FGF2: variants seen among roughly 807,000 people sequenced by gnomAD.
FGF2 encodes basic fibroblast growth factor bFGF.
FGF2 carries 13 observed loss-of-function variants against 15.9 expected under a neutral mutation model. That is an observed-to-expected ratio of 0.82 (90% CI 0.53 to 1.30). The LOEUF is 1.30. FGF2 is among the 50% of genes most tolerant of loss of function. FGF2 has a pLI of 0.00. For synonymous variants in FGF2, 90 were observed against 78.4 expected (o/e 1.15, Z -0.78); for missense variants, 163 against 196.9 (o/e 0.83, Z 1.03).
At chr4:122,856,375 G>A (rs1415511910) in intron 1 of FGF2, among the ~76,000 whole-genome samples, 1 of 152,116 alleles carries the variant, frequency 6.6e-6, no homozygotes, top group African/African-American at 2.4e-5. Flanking sequence ...ATTGTAAAAT[G>A]AAAAAATCTA....
intron 1 of FGF2, among the ~76,000 whole-genome samples, chr4:122,857,469 T>C (rs1315613042): frequency 6.6e-6 from 1 of 152,208 alleles, no homozygotes; most frequent in Non-Finnish European, 1.5e-5. Flanking sequence ...TTCCTTTTCT[T>C]ACCATCAATC....
rs189428800 is a variant in FGF2, at chr4:122,858,246, G to A, written c.179-18075G>A. ...CAAAATAAAATAGTAAAAAAAGAAAGTTTACTGAGAGGGGCAATATGAAAT... is the reference window on the plus strand; with the variant it reads ...CAAAATAAAATAGTAAAAAAAGAAAATTTACTGAGAGGGGCAATATGAAAT... On this transcript the variant is annotated intron_variant, in intron 1 of 2. Coordinates refer to ENST00000644866, the MANE Select transcript of FGF2 (RefSeq NM_001361665.2). Among the ~76,000 whole-genome samples, 107 of 152,208 alleles carry A rather than the reference G, an allele frequency of 7.0e-4. No individual in the cohort carries two copies. In the East Asian group the frequency reaches 0.019, roughly 28 times the overall value.
chr4:122,853,704 G>A (rs558699145), intron 1 of FGF2, among the ~76,000 whole-genome samples: 1 of 152,290 alleles, frequency 6.6e-6, no homozygotes, highest in Non-Finnish European at 1.5e-5. Flanking sequence ...GTCTGTTTTT[G>A]TAGTTGTTAC....
chr4:122,879,400 G>T (rs1328790586), intron 2 of FGF2, among the ~76,000 whole-genome samples: 1 of 152,178 alleles, frequency 6.6e-6, no homozygotes, highest in Non-Finnish European at 1.5e-5. Flanking sequence ...GACAGTGAGG[G>T]TGGTAGAGGA....
chr4:122,874,104 T>C (rs1256394520), intron 1 of FGF2, among the ~76,000 whole-genome samples: 1 of 152,224 alleles, frequency 6.6e-6, no homozygotes, highest in Non-Finnish European at 1.5e-5. Context: ...GTATAGCGAT[T>C]GATTATTCAG....
chr4:122,882,756 C>T (rs750098560), intron 2 of FGF2: 3 of 152,192 alleles, frequency 2.0e-5, no homozygotes, highest in African/African-American at 4.8e-5. Context: ...TTTCAGCTCT[C>T]GTCATACGAC....
chr4:122,836,649 T>G (rs780138738), intron 1 of FGF2, among the ~76,000 whole-genome samples: 3 of 152,228 alleles, frequency 2.0e-5, no homozygotes, highest in Non-Finnish European at 4.4e-5. Flanking sequence ...TTGGCTTCAT[T>G]GCTGAATGAG....
At chr4:122,833,593 A>G (rs1172874600) in intron 1 of FGF2, among the ~76,000 whole-genome samples, 1 of 152,192 alleles carries the variant, frequency 6.6e-6, no homozygotes, top group Non-Finnish European at 1.5e-5. Context: ...TAAGGTAGGA[A>G]CCATGACTTC....
intron 1 of FGF2, among the ~76,000 whole-genome samples, chr4:122,870,541 G>A (rs758137454): frequency 6.6e-6 from 1 of 151,976 alleles, no homozygotes; most frequent in Admixed American, 6.6e-5. Context: ...TCTTCTTCCT[G>A]GTTTAGCCTT....
chr4:122,893,450 G>A lies in FGF2; in HGVS notation c.*1054G>A. 2 of 418,006 alleles carry A rather than the reference G, an allele frequency of 4.8e-6. No homozygotes were observed. Among genetic ancestry groups the A allele is most frequent in the East Asian group, 3.8e-5 (1 of 26,368 alleles). The allele number at this position is 418,006 out of a possible 1,614,324, so 25.9% of individuals were successfully genotyped here. ...TTTTGAAATGCTGAATATTTCTTTG[G>A]CTGCTACTTGGAGGCTTATCTACCT... On this transcript the variant is annotated 3_prime_UTR_variant, in exon 3 of 3. Transcript: ENST00000644866.
Position 122,897,352 on chromosome 4 carries a change from T to C in FGF2, c.*4956T>C. 2.5e-6 allele frequency: 1 copy of C among 407,036 alleles called. No homozygotes were observed. The highest frequency in any genetic ancestry group is 4.4e-6 in the Non-Finnish European group (1 of 227,038). 25.2% of individuals were successfully genotyped at this position (407,036 alleles called of 1,614,324 possible). The stretch of plus-strand genomic sequence containing the variant: ...ACTTTACTGATGTATATCCAAAGCT[T>C]CTCATTTTCAGACAGATTAATCCAG... On this transcript the variant is annotated 3_prime_UTR_variant, in exon 3 of 3. Coordinates refer to ENST00000644866, the MANE Select transcript of FGF2 (RefSeq NM_001361665.2).
chr4:122,891,027 TTTTTTTTTGTTTTG>T (rs1175251334), intron 2 of FGF2, among the ~76,000 whole-genome samples: 22 of 134,036 alleles, frequency 1.6e-4, no homozygotes, highest in African/African-American at 4.0e-4. Context: ...TTATCTTTTT[TTTTTTTTTGTTTTG>T]TTTTGTTTTG....
At chr4:122,864,583 T>C (rs961788272) in intron 1 of FGF2, among the ~76,000 whole-genome samples, 1 of 152,230 alleles carries the variant, frequency 6.6e-6, no homozygotes, top group Non-Finnish European at 1.5e-5. Context: ...GGTTCACATA[T>C]CCCTTTTGGG....
At position 122,827,514 on chromosome 4, in the gene FGF2, C is replaced by A. The variant is rs557453076; in HGVS notation, c.178+162C>A. Among the ~76,000 whole-genome samples the A allele has an allele frequency of 6.6e-6, 1 of 152,256 alleles. No individual in the cohort carries two copies. Among genetic ancestry groups the A allele is most frequent in the African/African-American group, 2.4e-5 (1 of 41,558 alleles). ...TCGGCGGTTTCGGGTTCACCACTCA[C>A]CCCCTCCTTTCCGGGCTGCGGCGTA... On this transcript the variant is annotated intron_variant, in intron 1 of 2. Coordinates refer to ENST00000644866, the MANE Select transcript of FGF2 (RefSeq NM_001361665.2). This position sits in a 1 kb window ranked among gnomAD's most constrained non-coding sequence, Gnocchi z 4.2.
At chr4:122,852,564 C>CA (rs1156684542) in intron 1 of FGF2, among the ~76,000 whole-genome samples, 2 of 152,208 alleles carry the variant, frequency 1.3e-5, no homozygotes, top group Non-Finnish European at 2.9e-5. Context: ...ATAAGTCTGC[C>CA]ATCAGATAAA....
intron 2 of FGF2, among the ~76,000 whole-genome samples, chr4:122,877,176 C>A (rs575855659): frequency 7.8e-4 from 118 of 150,614 alleles, no homozygotes; most frequent in African/African-American, 2.5e-3. Context: ...GTGGCGTAAT[C>A]TCGGGTCACT....
Position 122,895,345 on chromosome 4 carries a change from A to T in FGF2, c.*2949A>T, listed in dbSNP as rs182205477. 34 of 152,374 alleles carry T rather than the reference A, an allele frequency of 2.2e-4. No individual in the cohort carries two copies. Among genetic ancestry groups the T allele is most frequent in the African/African-American group, 7.9e-4 (33 of 41,596 alleles). The allele number at this position is 152,374 out of a possible 1,614,324, so 9.4% of individuals were successfully genotyped here. A position where few individuals can be genotyped will look rare whatever the true frequency, so the allele number is the denominator to read the frequency against. The stretch of plus-strand genomic sequence containing the variant: ...TTTTTGCTGATGAAGAGATATGTTT[A>T]AATATGTTGTATTGTTTTGTTTAGT... On this transcript the variant is annotated 3_prime_UTR_variant, in exon 3 of 3. Coordinates refer to ENST00000644866, the MANE Select transcript of FGF2 (RefSeq NM_001361665.2).
intron 2 of FGF2, among the ~76,000 whole-genome samples, chr4:122,888,112 T>A (rs1727095141): frequency 6.6e-6 from 1 of 152,228 alleles, no homozygotes; most frequent in African/African-American, 2.4e-5. Context: ...AATCTGTTCC[T>A]ACTCATAGCC....
At position 122,827,099 on chromosome 4, in the gene FGF2, G is replaced by A. The variant is rs1725654299; in HGVS notation, c.-76G>A. ...GTGCCCCGGAGCGGGTCGGAGGCCG[G>A]GGCCGGGGCCGGGGGACGGCGGCTC... On this transcript the variant is annotated 5_prime_UTR_variant, in exon 1 of 3. Coordinates refer to ENST00000644866, the MANE Select transcript of FGF2 (RefSeq NM_001361665.2). This position sits in a 1 kb window ranked among gnomAD's most constrained non-coding sequence, Gnocchi z 4.2. The A allele has an allele frequency of 1.6e-6, 2 of 1,223,068 alleles. No individual in the cohort carries two copies. Among genetic ancestry groups the A allele is most frequent in the Admixed American group, 4.5e-5 (1 of 22,190 alleles). 75.8% of individuals were successfully genotyped at this position (1,223,068 alleles called of 1,614,324 possible).
Sources: allele counts gnomAD v4.1 joint callset (sites outside exome capture counted in the v4.1 genomes callset), GRCh38; gene constraint gnomAD v4.1.1; non-coding constraint Gnocchi (gnomAD v3.1); transcripts MANE v1.5; gene names NCBI Gene and HGNC (gene_info 2026-07-23, HGNC 2026-07-21).